PCDHA6: variants seen among roughly 807,000 people sequenced by gnomAD.
PCDHA6 encodes protocadherin alpha-6.
PCDHA6 carries 55 observed loss-of-function variants against 60.3 expected under a neutral mutation model. The ratio of observed to expected loss-of-function variants is 0.91; its 90% CI spans 0.73 to 1.14. PCDHA6 has a LOEUF of 1.14. Among genes scored for constraint, PCDHA6 ranks in the 50% most tolerant of loss-of-function variants. The pLI is 0.00. For missense variants in PCDHA6, 1,327 were observed against 1,256.5 expected, an observed-to-expected ratio of 1.06 and a Z score of -0.85; for synonymous variants, 652 against 557.9, an observed-to-expected ratio of 1.17 and a Z score of -2.38.
chr5:140,858,273 C>G, intron 1 of PCDHA6: 1 of 1,596,972 alleles, frequency 6.3e-7, no homozygotes, highest in Non-Finnish European at 8.6e-7. Context: ...TGCTCTAGCG[C>G]GGTGGGGAGC....
chr5:140,950,426 ACT>A (rs1554219446), intron 1 of PCDHA6, among the ~76,000 whole-genome samples: 5 of 151,872 alleles, frequency 3.3e-5, no homozygotes, highest in African/African-American at 1.2e-4. Flanking sequence ...ATTTTCTTCC[ACT>A]TAAAAAAAAT....
chr5:140,858,074 A>T (rs782716439), intron 1 of PCDHA6: 3 of 1,597,640 alleles, frequency 1.9e-6, no homozygotes, highest in Middle Eastern at 1.7e-4. Context: ...CCAGGCACCC[A>T]AGGCCTCGTC....
intron 1 of PCDHA6, chr5:140,870,210 C>T (rs1430379869): frequency 6.2e-7 from 1 of 1,614,058 alleles, no homozygotes; most frequent in African/African-American, 1.3e-5. Context: ...CGGTCATTGC[C>T]CTGATCAGCG....
At position 140,914,532 on chromosome 5, in the gene PCDHA6, A is replaced by G. The variant is rs1440968686; in HGVS notation, c.2395-64417A>G. ...GTCATGTTTTTTCATCCATTCAGCC[A>G]CTTTATTTCTTTTTATTGGAGAGTT... On this transcript the variant is annotated intron_variant, in intron 1 of 3. Coordinates refer to ENST00000529310, the MANE Select transcript of PCDHA6 (RefSeq NM_018909.4). Among the ~76,000 whole-genome samples the G allele has an allele frequency of 3.3e-5, 5 of 152,070 alleles. 1 individual carries two copies. Among genetic ancestry groups the G allele is most frequent in the Admixed American group, 3.3e-4 (5 of 15,252 alleles).
intron 1 of PCDHA6, chr5:140,843,152 CT>C (rs2150353947): frequency 6.3e-6 from 10 of 1,596,024 alleles, no homozygotes; most frequent in Non-Finnish European, 6.9e-6. Flanking sequence ...TTCGTATGAG[CT>C]GCAGCCAGCT....
At chr5:140,839,060 G>C (rs1253852063) in intron 1 of PCDHA6, among the ~76,000 whole-genome samples, 1 of 151,930 alleles carries the variant, frequency 6.6e-6, no homozygotes, top group Admixed American at 6.6e-5. Context: ...TAAGGATAGA[G>C]GTATGCAAAG....
At chr5:140,989,060 G>A (rs1233023153) in intron 3 of PCDHA6, 1 of 152,138 alleles carries the variant, frequency 6.6e-6, no homozygotes, top group Non-Finnish European at 1.5e-5. Context: ...CTACATTGAG[G>A]CAATACAGTC....
intron 1 of PCDHA6, chr5:140,857,981 C>G (rs377577023): frequency 6.3e-7 from 1 of 1,596,978 alleles, no homozygotes; most frequent in Non-Finnish European, 8.6e-7. Flanking sequence ...GCCACGCCAG[C>G]GCCTACTGGT....
At chr5:140,926,470 G>C (rs1244984672) in intron 1 of PCDHA6, 1 of 162,858 alleles carries the variant, frequency 6.1e-6, no homozygotes. Flanking sequence ...AGAAAACACC[G>C]TTTAAGGAGA....
intron 1 of PCDHA6, among the ~76,000 whole-genome samples, chr5:140,955,244 G>A (rs1554221834): frequency 2.0e-5 from 3 of 152,072 alleles, no homozygotes; most frequent in South Asian, 2.1e-4. Flanking sequence ...GCTTAGGATC[G>A]GCTTGGCTAT....
intron 1 of PCDHA6, chr5:140,841,677 T>A (rs2150320586): frequency 5.6e-6 from 9 of 1,614,014 alleles, no homozygotes; most frequent in Non-Finnish European, 7.6e-6. Flanking sequence ...GTTTTCCATG[T>A]GGACGTGGAG....
At chr5:140,862,820 G>A (rs782106101) in intron 1 of PCDHA6, 2 of 574,854 alleles carry the variant, frequency 3.5e-6, no homozygotes, top group Non-Finnish European at 6.7e-6. Context: ...TTCTAGGTGA[G>A]AGCGCGCGAC....
intron 1 of PCDHA6, chr5:140,967,594 G>A: frequency 6.2e-7 from 1 of 1,614,142 alleles, no homozygotes; most frequent in Non-Finnish European, 8.5e-7. Flanking sequence ...GCACATTGGT[G>A]GTGAAGCTGA....
rs1006692100 is a variant in PCDHA6 at position 140,968,013 on chromosome 5, G to A, written c.2395-10936G>A. Reference sequence around the variant, plus strand: ...CTGCCTTTCCGACTGAATGGCTTTGGAAACTCCTATACACTGGTGGTGAGC... The same window carrying A: ...CTGCCTTTCCGACTGAATGGCTTTGAAAACTCCTATACACTGGTGGTGAGC... On this transcript the variant is annotated intron_variant, in intron 1 of 3. Coordinates refer to ENST00000529310, the MANE Select transcript of PCDHA6 (RefSeq NM_018909.4). 2.5e-6 allele frequency: 4 copies of A among 1,614,066 alleles called. No individual in the cohort carries two copies. The African/African-American group carries it at 4.0e-5, about 16-fold the overall frequency.
At chr5:140,893,117 T>C (rs536917492) in intron 1 of PCDHA6, among the ~76,000 whole-genome samples, 72 of 152,356 alleles carry the variant, frequency 4.7e-4, no homozygotes, top group South Asian at 1.2e-3. Flanking sequence ...GTTGTGCATA[T>C]ACACCACATT....
chr5:140,863,564 A>G (rs1426185409), intron 1 of PCDHA6: 3 of 374,440 alleles, frequency 8.0e-6, no homozygotes, highest in Non-Finnish European at 1.6e-5. Context: ...ATTTTTGAGA[A>G]TATAAGTACT....
intron 1 of PCDHA6, chr5:140,853,974 A>G: frequency 1.7e-6 from 1 of 605,490 alleles, no homozygotes; most frequent in Non-Finnish European, 2.1e-6. Flanking sequence ...GCAGTTTGAG[A>G]CCAATGTAGT....
chr5:140,919,306 A>G (rs1407810868), intron 1 of PCDHA6, among the ~76,000 whole-genome samples: 1 of 152,150 alleles, frequency 6.6e-6, no homozygotes. Context: ...TGTACAATAT[A>G]TGTTTTCCCA....
chr5:140,948,240 T>C (rs1554218495), intron 1 of PCDHA6, among the ~76,000 whole-genome samples: 1 of 151,684 alleles, frequency 6.6e-6, no homozygotes, highest in East Asian at 1.9e-4. Flanking sequence ...TGTATTTTAG[T>C]AAATATTTTT....
Sources: allele counts gnomAD v4.1 joint callset (sites outside exome capture counted in the v4.1 genomes callset), GRCh38; gene constraint gnomAD v4.1.1; transcripts MANE v1.5; gene names NCBI Gene and HGNC (gene_info 2026-07-23, HGNC 2026-07-21).